SIRT6: variants seen among roughly 807,000 people sequenced by gnomAD.
SIRT6 encodes the protein NAD-dependent protein deacylase sirtuin-6.
Under a neutral mutation model 33.6 loss-of-function variants are expected in SIRT6, and 21 were observed. That is an observed-to-expected ratio of 0.62 (90% confidence interval 0.44 to 0.90). The LOEUF is 0.90. SIRT6 is among the 40% of genes least tolerant of loss of function. The pLI is 0.00. For synonymous variants in SIRT6, 221 were observed against 223.9 expected, an observed-to-expected ratio of 0.99 and a Z score of 0.12; for missense variants, 504 against 510.6, an observed-to-expected ratio of 0.99 and a Z score of 0.12.
chr19:4,180,915 G>T lies in SIRT6; in HGVS notation c.67-6C>A. 6.2e-7 allele frequency: 1 copy of T among 1,608,298 alleles called. No homozygotes were observed. Among genetic ancestry groups the T allele is most frequent in the African/African-American group, 1.3e-5 (1 of 74,886 alleles). ...TCCTCCGGGGGGTCGAAGATCTGTG[G>T]GGGGAGAGAGCAGACGGAGGGGTCA... On this transcript the variant is annotated splice_region_variant and splice_polypyrimidine_tract_variant and intron_variant, in intron 1 of 7. Transcript: ENST00000337491.
chr19:4,175,201 T>C (rs2145157326), intron 6 of SIRT6, 50 bp from the exon 7 acceptor site: 2 of 1,555,442 alleles, frequency 1.3e-6, no homozygotes, highest in East Asian at 4.6e-5. Flanking sequence ...CCTGCCAACA[T>C]CCCGAGCCAG....
chr19:4,180,789 C>G lies in SIRT6; in HGVS notation c.187G>C (p.Asp63His), dbSNP rs779174928. Residue 63 changes from aspartate to histidine, a missense_variant, in exon 2 of 8, where the codon GAC becomes CAC. Physicochemically the swap from Asp to His is moderately conservative, Grantham distance 81. Transcript: ENST00000337491. ...AGISTASGIPDFRGPHGVWTM... is the reference protein window; with the variant it reads ...AGISTASGIPHFRGPHGVWTM... ...CCCTGCACAATCACAGACCTGAAGTCGGGGATGCCAGAGGCAGTGCTGATG... is the reference window on the plus strand; with the variant it reads ...CCCTGCACAATCACAGACCTGAAGTGGGGGATGCCAGAGGCAGTGCTGATG... The G allele has an allele frequency of 1.9e-6, 3 of 1,610,374 alleles. No homozygotes were observed. Among genetic ancestry groups the G allele is most frequent in the Middle Eastern group, 1.7e-4 (1 of 6,044 alleles).
intron 4 of SIRT6, among the ~76,000 whole-genome samples, 188 bp from the exon 5 acceptor site, chr19:4,176,125 A>T (rs1048263414): frequency 1.3e-5 from 2 of 152,200 alleles, no homozygotes; most frequent in African/African-American, 2.4e-5. Flanking sequence ...TGCCCGGAGC[A>T]CAGAAAACAA....
Position 4,177,127 on chromosome 19 carries a change from G to T in SIRT6, c.389C>A (p.Ala130Glu). Residue 130 changes from alanine to glutamate, a missense_variant, in exon 4 of 8, where the codon GCA becomes GAA. By Grantham distance (107) the Ala-to-Glu change is moderately radical (BLOSUM62 -1). Coordinates refer to ENST00000337491, the MANE Select transcript of SIRT6 (RefSeq NM_016539.4). ...CACAAACATGTTCCCGTGGAGCTCT[G>T]CCAGTTTGTCCCTGTGGGAAGAGCA... ...VRSGFPRDKL[A>E]ELHGNMFVEE... 1 of 1,613,928 alleles carries T rather than the reference G, an allele frequency of 6.2e-7. No individual in the cohort carries two copies. The highest frequency in any genetic ancestry group is 8.5e-7 in the Non-Finnish European group (1 of 1,179,926).
chr19:4,175,220 G>T, intron 6 of SIRT6, 69 bp from the exon 7 acceptor site: 1 of 1,526,080 alleles, frequency 6.6e-7, no homozygotes, highest in Admixed American at 1.9e-5. Context: ...AGCCCTGGGG[G>T]CCGGTTCACA....
Position 4,174,417 on chromosome 19 carries a change from T to C in SIRT6, c.*200A>G, listed in dbSNP as rs1967153018. The C allele has an allele frequency of 2.2e-6, 1 of 455,378 alleles. No homozygotes were observed. Among genetic ancestry groups the C allele is most frequent in the Non-Finnish European group, 3.8e-6 (1 of 262,928 alleles). 28.2% of individuals were successfully genotyped at this position (455,378 alleles called of 1,614,324 possible). On this transcript the variant is annotated 3_prime_UTR_variant, in exon 8 of 8. Transcript: ENST00000337491. The surrounding 1 kb of genome is among the most constrained non-coding windows in gnomAD (Gnocchi z 4.2). The stretch of plus-strand genomic sequence containing the variant: ...AGGGGCTCACCTGTCACCTCTGGGG[T>C]GTGGCTTCTTCCCGGAACCGCACCA...
At chr19:4,182,403 C>T in intron 1 of SIRT6, 71 bp downstream of exon 1, 13 of 1,471,066 alleles carry the variant, frequency 8.8e-6, no homozygotes, top group South Asian at 1.2e-5. Flanking sequence ...CCCACAATGC[C>T]CCCCTGCCAT....
At chr19:4,181,853 C>T (rs1046434683) in intron 1 of SIRT6, among the ~76,000 whole-genome samples, 2 of 152,250 alleles carry the variant, frequency 1.3e-5, no homozygotes, top group Non-Finnish European at 1.5e-5. Context: ...GGCTTCTGGA[C>T]GGGCGCACAC....
intron 6 of SIRT6, 57 bp from the exon 7 acceptor site, chr19:4,175,208 C>G: frequency 6.5e-7 from 1 of 1,547,832 alleles, no homozygotes. Context: ...ACATCCCGAG[C>G]CAGCCCTGGG....
intron 3 of SIRT6, among the ~76,000 whole-genome samples, chr19:4,177,790 C>T (rs1599363602): frequency 6.6e-6 from 1 of 152,134 alleles, no homozygotes; most frequent in East Asian, 1.9e-4. Flanking sequence ...CAGGGTTTCA[C>T]CGTGTTAGCC....
In SIRT6 at chr19:4,174,717, T is replaced by C. The variant is rs957905939; in HGVS notation, c.968A>G (p.His323Arg). ...GGGGCTGGCGGGCTCTGAGCCGTTG[T>C]GCTGGGCGCAGGGCTCCTGCTTGGG... ...AGPKQEPCAQHNGSEPASPKR... is the reference protein window; with the variant it reads ...AGPKQEPCAQRNGSEPASPKR... The change falls in exon 8 of 8, where the codon CAC (histidine) becomes CGC (arginine). Residue 323 changes from histidine to arginine, a missense_variant. His to Arg is a conservative substitution (Grantham distance 29, BLOSUM62 0). Coordinates refer to ENST00000337491, the MANE Select transcript of SIRT6 (RefSeq NM_016539.4). This position sits in a 1 kb window ranked among gnomAD's most constrained non-coding sequence, Gnocchi z 4.2. 4 of 1,470,362 alleles carry C rather than the reference T, an allele frequency of 2.7e-6. No individual in the cohort carries two copies. Among genetic ancestry groups the C allele is most frequent in the Non-Finnish European group, 3.6e-6 (4 of 1,109,610 alleles). 91.1% of individuals were successfully genotyped at this position (1,470,362 alleles called of 1,614,324 possible).
intron 4 of SIRT6, 25 bp downstream of exon 4, chr19:4,177,054 A>G (rs350844): frequency 0.88 from 1,406,010 of 1,606,110 alleles, 617,161 homozygotes; most frequent in African/African-American, 0.96. Context: ...CAGAGCCCCC[A>G]CCCCTGCACC....
At chr19:4,178,986 G>T in intron 3 of SIRT6, 118 bp downstream of exon 3, 4 of 1,324,852 alleles carry the variant, frequency 3.0e-6, no homozygotes, top group Non-Finnish European at 4.1e-6. Context: ...CACACACTGG[G>T]CCAAGAACTC....
intron 4 of SIRT6, 35 bp from the exon 5 acceptor site, chr19:4,175,972 G>A (rs1967280782): frequency 1.3e-6 from 2 of 1,534,216 alleles, no homozygotes; most frequent in Admixed American, 3.9e-5. Flanking sequence ...ATGGGACCAG[G>A]TGAGCTCCCA....
chr19:4,180,938 T>C (rs772918248), intron 1 of SIRT6, 29 bp from the exon 2 acceptor site: 15 of 1,575,614 alleles, frequency 9.5e-6, no homozygotes, highest in Non-Finnish European at 1.3e-5. Context: ...GACGGAGGGG[T>C]CAAAACAGTT....
chr19:4,175,805 T>C, intron 5 of SIRT6, 37 bp downstream of exon 5: 1 of 1,553,454 alleles, frequency 6.4e-7, no homozygotes, highest in Non-Finnish European at 8.7e-7. Flanking sequence ...CCTCGCAGCC[T>C]CCCCTGGAGC....
intron 6 of SIRT6, chr19:4,175,402 G>A (rs1185103817): frequency 5.3e-5 from 34 of 638,534 alleles, no homozygotes. Flanking sequence ...GACACCTAGG[G>A]TGGGACCCTG....
chr19:4,176,950 C>T, intron 4 of SIRT6, 129 bp downstream of exon 4: 1 of 581,844 alleles, frequency 1.7e-6, no homozygotes, highest in Non-Finnish European at 2.9e-6. Context: ...AAGAGGGAGA[C>T]ACGCCCCCAG....
chr19:4,176,035 G>T, intron 4 of SIRT6, 98 bp from the exon 5 acceptor site: 1 of 1,043,172 alleles, frequency 9.6e-7, no homozygotes, highest in Non-Finnish European at 1.4e-6. Context: ...GAGGTGGGGG[G>T]TGGACAGGTG....
Sources: gnomAD v4.1 joint callset for allele counts (sites outside exome capture counted in the v4.1 genomes callset) on GRCh38, gnomAD v4.1.1 for gene constraint, Gnocchi (gnomAD v3.1) non-coding constraint, MANE v1.5 for transcripts, NCBI Gene and HGNC (gene_info 2026-07-23, HGNC 2026-07-21) for gene names.